Variants in HMOX2 observed in about 807,000 individuals in gnomAD.
HMOX2 encodes the protein heme oxygenase 2, also known as heme oxygenase (decycling) 2.
A neutral mutation model predicts 33.7 loss-of-function variants in HMOX2; 30 were observed. The observed-to-expected ratio is 0.89, with a 90% CI of 0.67 to 1.21. The LOEUF is 1.21. HMOX2 is among the 50% of genes most tolerant of loss of function. HMOX2 has a pLI of 0.00. For missense variants in HMOX2, 403 were observed against 399.1 expected (o/e 1.01, Z -0.08); for synonymous variants, 155 against 155.0 (o/e 1.00, Z 0.00).
At chr16:4,508,259 T>A in intron 4 of HMOX2, 55 bp downstream of exon 4, 1 of 1,542,326 alleles carries the variant, frequency 6.5e-7, no homozygotes. Context: ...TTGACAGTGG[T>A]AGCAGATCCA....
chr16:4,493,916 A>C (rs2058358694), intron 1 of HMOX2, among the ~76,000 whole-genome samples: 1 of 152,228 alleles, frequency 6.6e-6, no homozygotes, highest in African/African-American at 2.4e-5. Context: ...TATTTATCTA[A>C]ATTAATAGTC....
Position 4,509,470 on chromosome 16 carries a change from G to T in HMOX2, c.755G>T (p.Gly252Val). 1 of 1,614,180 alleles carries T rather than the reference G, an allele frequency of 6.2e-7. No homozygotes were observed. The highest frequency in any genetic ancestry group is 1.1e-5 in the South Asian group (1 of 91,080). The change falls in exon 5 of 6, where the codon GGG (glycine) becomes GTG (valine). Residue 252 changes from glycine to valine, a missense_variant. Physicochemically the swap from Gly to Val is moderately radical, Grantham distance 109 (BLOSUM62 -3). Transcript: ENST00000570646. Reference sequence around the variant, plus strand: ...CTGGCCAGAGAGACCTTGGAGGATGGGTTCCCTGTACACGATGGGAAAGGA... The same window carrying T: ...CTGGCCAGAGAGACCTTGGAGGATGTGTTCCCTGTACACGATGGGAAAGGA... Reference protein sequence around the residue: ...STLARETLEDGFPVHDGKGDM... With the variant: ...STLARETLEDVFPVHDGKGDM...
intron 1 of HMOX2, among the ~76,000 whole-genome samples, chr16:4,487,666 G>T (rs992278417): frequency 6.6e-6 from 1 of 152,102 alleles, no homozygotes; most frequent in Non-Finnish European, 1.5e-5. Flanking sequence ...TGGGCGTGGT[G>T]GCTGGCGCCT....
intron 1 of HMOX2, among the ~76,000 whole-genome samples, chr16:4,501,680 A>G (rs142647567): frequency 4.6e-4 from 70 of 152,270 alleles, no homozygotes; most frequent in African/African-American, 1.5e-3. Context: ...AGAGATTCCA[A>G]TGGTTCCTGC....
chr16:4,494,588 A>C (rs1343524450), intron 1 of HMOX2, among the ~76,000 whole-genome samples: 1 of 152,132 alleles, frequency 6.6e-6, no homozygotes, highest in Non-Finnish European at 1.5e-5. Flanking sequence ...CTTTAAAAAA[A>C]TAAGTTTGGG....
intron 2 of HMOX2, among the ~76,000 whole-genome samples, chr16:4,506,623 A>G (rs957979058): frequency 3.9e-5 from 6 of 152,326 alleles, no homozygotes; most frequent in East Asian, 1.9e-4. Context: ...GTGGTTCCCA[A>G]CACAGACACA....
rs769404295 is a variant in HMOX2 at position 4,509,393 on chromosome 16, C to T, written c.697-19C>T. 1.9e-5 allele frequency: 31 copies of T among 1,610,694 alleles called. No homozygotes were observed. The highest frequency in any genetic ancestry group is 3.4e-5 in the Admixed American group (2 of 59,176). Reference sequence around the variant, plus strand: ...ATGGGCAGCCCAAAGATGGCTCAGTCGATCCTCTGCTCCTGCAGATATTCA... The same window carrying T: ...ATGGGCAGCCCAAAGATGGCTCAGTTGATCCTCTGCTCCTGCAGATATTCA... On this transcript the variant is annotated intron_variant, in intron 4 of 5. Coordinates refer to ENST00000570646, the MANE Select transcript of HMOX2 (RefSeq NM_002134.4).
chr16:4,499,890 T>A (rs1013357249), intron 1 of HMOX2, among the ~76,000 whole-genome samples: 2 of 152,230 alleles, frequency 1.3e-5, no homozygotes, highest in African/African-American at 4.8e-5. Flanking sequence ...ATTAAAAATT[T>A]GTATTACTTT....
chr16:4,508,167 TGGA>T lies in HMOX2; in HGVS notation c.665_667del (p.Glu222del). 1 of 1,613,130 alleles carries T rather than the reference TGGA, an allele frequency of 6.2e-7. No individual in the cohort carries two copies. The highest frequency in any genetic ancestry group is 8.5e-7 in the Non-Finnish European group (1 of 1,179,580). Reference sequence around the variant, plus strand: ...AACATGAAGACCAAAGAGAGGATCGTGGAGGAGGCCAACAAGGCTTTTGAGTAT... The same window carrying T: ...AACATGAAGACCAAAGAGAGGATCGTGGAGGCCAACAAGGCTTTTGAGTAT... On this transcript the variant is annotated inframe_deletion, in exon 4 of 6. Coordinates refer to ENST00000570646, the MANE Select transcript of HMOX2 (RefSeq NM_002134.4).
chr16:4,504,156 C>G (rs911597766), intron 1 of HMOX2, among the ~76,000 whole-genome samples: 4 of 152,168 alleles, frequency 2.6e-5, no homozygotes, highest in African/African-American at 9.7e-5. Context: ...TTCAGCCTAG[C>G]AAAGTCCTGA....
At chr16:4,504,288 C>T (rs1048553224) in intron 1 of HMOX2, among the ~76,000 whole-genome samples, 4 of 151,232 alleles carry the variant, frequency 2.6e-5, no homozygotes, top group Admixed American at 6.6e-5. Context: ...TGGAACTGTG[C>T]GTTGCTTGCC....
chr16:4,506,937 A>G lies in HMOX2; in HGVS notation c.129A>G (p.Glu43=). The change falls in exon 3 of 6, where the codon GAA becomes GAG. Residue 43 remains glutamate, a synonymous_variant. Transcript: ENST00000570646. ...LSELLKEGTK[E]AHDRAENTQF... Reference sequence around the variant, plus strand: ...AGCTCCTGAAGGAAGGGACCAAGGAAGCACACGACCGGGCAGAAAACACCC... The same window carrying G: ...AGCTCCTGAAGGAAGGGACCAAGGAGGCACACGACCGGGCAGAAAACACCC... 6.2e-7 allele frequency: 1 copy of G among 1,614,156 alleles called. No homozygotes were observed. The highest frequency in any genetic ancestry group is 8.5e-7 in the Non-Finnish European group (1 of 1,179,992).
chr16:4,480,025 C>T (rs539785125), intron 1 of HMOX2, among the ~76,000 whole-genome samples: 23 of 151,262 alleles, frequency 1.5e-4, no homozygotes, highest in South Asian at 8.4e-4. Flanking sequence ...AGGCATGAGT[C>T]GCTGCGCCCG....
chr16:4,502,785 CT>C (rs2058590155), intron 1 of HMOX2: 1 of 152,250 alleles, frequency 6.6e-6, no homozygotes, highest in African/African-American at 2.4e-5. Flanking sequence ...GTGGCATGAT[CT>C]CGACTCACTG....
chr16:4,478,932 A>T (rs1476006866), intron 1 of HMOX2, among the ~76,000 whole-genome samples: 1 of 152,174 alleles, frequency 6.6e-6, no homozygotes, highest in Non-Finnish European at 1.5e-5. Flanking sequence ...AGGCGGGTGG[A>T]TCACCTGAGG....
chr16:4,481,145 G>T (rs146981765), intron 1 of HMOX2, among the ~76,000 whole-genome samples: 11,839 of 150,926 alleles, frequency 0.078, 761 homozygotes, highest in African/African-American at 0.17. Context: ...AGGAGATCGA[G>T]ACCATGCTGG....
At position 4,482,866 on chromosome 16, in the gene HMOX2, A is replaced by G. The variant is rs570525664; in HGVS notation, c.-42+6379A>G. 1.1e-3 allele frequency among the ~76,000 whole-genome samples: 174 copies of G among 152,202 alleles called. 1 individual carries two copies. Among genetic ancestry groups the G allele is most frequent in the Non-Finnish European group, 2.3e-3 (154 of 68,004 alleles). ...AATGTGGTGAAACCCCATTTCTAGT[A>G]AAAATACAAAAAAATTAGCCGGGTG... On this transcript the variant is annotated intron_variant, in intron 1 of 5. Transcript: ENST00000570646.
intron 1 of HMOX2, among the ~76,000 whole-genome samples, chr16:4,487,529 C>T (rs371700315): frequency 6.6e-6 from 1 of 152,084 alleles, no homozygotes; most frequent in African/African-American, 2.4e-5. Flanking sequence ...AATTGCTGGG[C>T]GCAGTGGCTC....
intron 1 of HMOX2, among the ~76,000 whole-genome samples, chr16:4,492,563 C>T (rs1596459315): frequency 6.6e-6 from 1 of 151,364 alleles, no homozygotes; most frequent in South Asian, 2.1e-4. Context: ...ACTAAAAATA[C>T]AAAAAATTAG....
Sources: allele counts gnomAD v4.1 joint callset (sites outside exome capture counted in the v4.1 genomes callset), GRCh38; gene constraint gnomAD v4.1.1; transcripts MANE v1.5; gene names NCBI Gene and HGNC (gene_info 2026-07-23, HGNC 2026-07-21).